CDH13: variants seen among roughly 807,000 people sequenced by gnomAD.
CDH13 encodes cadherin-13.
Under a neutral mutation model 63.8 loss-of-function variants are expected in CDH13, and 24 were observed. The ratio of observed to expected loss-of-function variants is 0.38; its 90% CI spans 0.27 to 0.53. The LOEUF is 0.53. CDH13 is among the 20% of genes least tolerant of loss of function. The pLI is 0.85. For missense variants in CDH13, 1,049 were observed against 903.1 expected, an observed-to-expected ratio of 1.16 and a Z score of -2.07; for synonymous variants, 503 against 355.3, an observed-to-expected ratio of 1.42 and a Z score of -4.67.
chr16:83,738,310 G>C (rs1001416320), intron 10 of CDH13, among the ~76,000 whole-genome samples: 1 of 152,230 alleles, frequency 6.6e-6, no homozygotes, highest in South Asian at 2.1e-4. Flanking sequence ...AAATGAGCGA[G>C]TGAACAGTAC....
At chr16:83,177,496 G>C (rs2038176951) in intron 4 of CDH13, among the ~76,000 whole-genome samples, 1 of 152,194 alleles carries the variant, frequency 6.6e-6, no homozygotes, top group African/African-American at 2.4e-5. Context: ...CCAAAATATG[G>C]AGATCTTGTA....
intron 7 of CDH13, among the ~76,000 whole-genome samples, chr16:83,595,118 T>C (rs1035785246): frequency 6.6e-6 from 1 of 152,338 alleles, no homozygotes; most frequent in South Asian, 2.1e-4. Context: ...ATCAGATAGC[T>C]TCAAATAAAA....
intron 2 of CDH13, among the ~76,000 whole-genome samples, chr16:82,918,835 T>A (rs548645541): frequency 4.6e-5 from 7 of 152,284 alleles, no homozygotes; most frequent in Admixed American, 2.0e-4. Flanking sequence ...TTGATACATA[T>A]TGACTAATTG....
intron 6 of CDH13, among the ~76,000 whole-genome samples, chr16:83,442,193 C>A (rs552594864): frequency 1.3e-4 from 20 of 152,140 alleles, no homozygotes; most frequent in Non-Finnish European, 2.6e-4. Flanking sequence ...CCTTAATGGG[C>A]ACCTATCGTT....
intron 3 of CDH13, among the ~76,000 whole-genome samples, chr16:83,106,919 T>C (rs1325667462): frequency 6.6e-6 from 1 of 152,096 alleles, no homozygotes; most frequent in African/African-American, 2.4e-5. Flanking sequence ...AAAAGTATAA[T>C]CTGGTGTGGC....
intron 6 of CDH13, among the ~76,000 whole-genome samples, chr16:83,425,635 C>T (rs995739491): frequency 2.6e-5 from 4 of 152,226 alleles, no homozygotes; most frequent in Non-Finnish European, 4.4e-5. Context: ...TCCTAAACTT[C>T]TTTATGTCTT....
intron 6 of CDH13, among the ~76,000 whole-genome samples, chr16:83,455,247 A>T (rs778323564): frequency 6.6e-6 from 1 of 152,190 alleles, no homozygotes; most frequent in Non-Finnish European, 1.5e-5. Context: ...GTGGAGTGAG[A>T]CAAGGAAACT....
chr16:82,648,436 A>G (rs997620130), intron 1 of CDH13, among the ~76,000 whole-genome samples: 2 of 152,224 alleles, frequency 1.3e-5, no homozygotes, highest in Non-Finnish European at 2.9e-5. Flanking sequence ...GCAAATGAAA[A>G]CAGGTTAGGC....
chr16:82,688,936 A>G (rs1915357802), intron 1 of CDH13: 2 of 152,274 alleles, frequency 1.3e-5, no homozygotes, highest in African/African-American at 4.8e-5. Flanking sequence ...CTTCCTGGTC[A>G]CTGCCAGTGC....
At chr16:83,000,325 T>C (rs965452200) in intron 2 of CDH13, among the ~76,000 whole-genome samples, 8 of 129,626 alleles carry the variant, frequency 6.2e-5, no homozygotes, top group Non-Finnish European at 1.1e-4. Context: ...CTCGGCTCGC[T>C]GCAACCTCCA....
chr16:83,061,986 G>C (rs2031595670), intron 3 of CDH13, among the ~76,000 whole-genome samples: 1 of 152,168 alleles, frequency 6.6e-6, no homozygotes, highest in Non-Finnish European at 1.5e-5. Context: ...GAGCTGGGCA[G>C]GGTGACAATT....
At chr16:82,704,967 A>G (rs2031364934) in intron 1 of CDH13, 1 of 352,086 alleles carries the variant, frequency 2.8e-6, no homozygotes. Flanking sequence ...GACTTGGGAG[A>G]CAATGTCTCT....
In CDH13 at chr16:83,286,525, G is replaced by A. The variant is rs891223123; in HGVS notation, c.637-58337G>A. ...AATCCCAGCACTTTGGGAGGCCAAG[G>A]CAGACGGATTGCCTGAGCTCAGGAG... On this transcript the variant is annotated intron_variant, in intron 5 of 13. Coordinates refer to ENST00000567109, the MANE Select transcript of CDH13 (RefSeq NM_001257.5). Among the ~76,000 whole-genome samples, 4 of 152,044 alleles carry A rather than the reference G, an allele frequency of 2.6e-5. No individual in the cohort carries two copies. The East Asian group carries it at 7.7e-4, about 29-fold the overall frequency.
intron 3 of CDH13, among the ~76,000 whole-genome samples, chr16:83,104,304 G>A (rs888776625): frequency 2.6e-5 from 4 of 152,136 alleles, no homozygotes; most frequent in Admixed American, 6.5e-5. Context: ...GTGGGGAGAC[G>A]TGAGACATCG....
intron 3 of CDH13, among the ~76,000 whole-genome samples, chr16:83,089,274 G>A (rs1276631868): frequency 1.3e-5 from 2 of 152,190 alleles, no homozygotes; most frequent in Non-Finnish European, 2.9e-5. Flanking sequence ...TTAGCGTATA[G>A]ACTTTTGGTC....
chr16:83,391,977 G>T (rs567887392), intron 6 of CDH13, among the ~76,000 whole-genome samples: 1 of 152,190 alleles, frequency 6.6e-6, no homozygotes, highest in African/African-American at 2.4e-5. Flanking sequence ...AATGTATGTG[G>T]GGCAACTCTA....
rs528046523 is a variant in CDH13 at position 83,262,680 on chromosome 16, T to C, written c.636+45183T>C. On this transcript the variant is annotated intron_variant, in intron 5 of 13. Coordinates refer to ENST00000567109, the MANE Select transcript of CDH13 (RefSeq NM_001257.5). ...CATATAAAGAAATATGAAAAAATGG[T>C]ATAACTTTCAAGGGAAAGGGTTTCC... is the stretch of plus-strand genomic sequence containing the variant. Among the ~76,000 whole-genome samples the C allele has an allele frequency of 4.6e-5, 7 of 152,310 alleles. No individual in the cohort carries two copies. In the East Asian group the frequency reaches 9.7e-4, roughly 21 times the overall value.
At chr16:83,584,791 A>T (rs765879610) in intron 7 of CDH13, among the ~76,000 whole-genome samples, 7 of 152,238 alleles carry the variant, frequency 4.6e-5, no homozygotes, top group Admixed American at 6.5e-5. Context: ...GTTGTACAGG[A>T]AGCATGGTGC....
In CDH13 at chr16:83,089,969, C is replaced by G. The variant is rs568360142; in HGVS notation, c.367-35416C>G. Among the ~76,000 whole-genome samples the G allele has an allele frequency of 1.6e-3, 239 of 152,212 alleles. 1 individual carries two copies. Among genetic ancestry groups the G allele is most frequent in the South Asian group, 0.01 (50 of 4,818 alleles). ...TTGCATAGCAAGAAATGAGAACAGT[C>G]CAGGAGCCTCTAAGATCCCTCACAT... is the stretch of plus-strand genomic sequence containing the variant. On this transcript the variant is annotated intron_variant, in intron 3 of 13. Coordinates refer to ENST00000567109, the MANE Select transcript of CDH13 (RefSeq NM_001257.5).
Sources: allele counts gnomAD v4.1 joint callset (sites outside exome capture counted in the v4.1 genomes callset), GRCh38; gene constraint gnomAD v4.1.1; transcripts MANE v1.5; gene names NCBI Gene and HGNC (gene_info 2026-07-23, HGNC 2026-07-21).